Variants in ZNRF3 observed in about 807,000 individuals in gnomAD.
ZNRF3 encodes E3 ubiquitin-protein ligase ZNRF3.
In ZNRF3, 23 loss-of-function variants were observed where a neutral mutation model predicts 72.5. That is an observed-to-expected ratio of 0.32 (90% CI 0.23 to 0.45). The LOEUF is 0.45. Ranked by LOEUF, ZNRF3 falls within the 20% of genes least tolerant of loss-of-function variation. ZNRF3 has a pLI of 1.00. For missense variants in ZNRF3, 1,169 were observed against 1,272.1 expected (o/e 0.92, Z 1.23); for synonymous variants, 610 against 545.3 (o/e 1.12, Z -1.65).
rs755464306 is a variant in ZNRF3, at chr22:29,050,590, G to T, written c.2409G>T (p.Ser803=). Reference sequence around the variant, plus strand: ...GCGGCTGCTACACTGAGGACTACTCGGTGAGTGTGCAGTACACGCTCACCG... The same window carrying T: ...GCGGCTGCTACACTGAGGACTACTCTGTGAGTGTGCAGTACACGCTCACCG... ...GGSGCYTEDY[S]VSVQYTLTEE... The change falls in exon 8 of 9, where the codon TCG becomes TCT. Residue 803 remains serine (S), a synonymous_variant. Coordinates refer to ENST00000544604, the MANE Select transcript of ZNRF3 (RefSeq NM_001206998.2). 6.2e-7 allele frequency: 1 copy of T among 1,608,114 alleles called. No individual in the cohort carries two copies. The highest frequency in any genetic ancestry group is 2.2e-5 in the East Asian group (1 of 44,538).
chr22:29,043,773 C>T (rs888806881), intron 4 of ZNRF3, among the ~76,000 whole-genome samples: 9 of 152,178 alleles, frequency 5.9e-5, no homozygotes, highest in African/African-American at 2.2e-4. Flanking sequence ...GGGCATCCAG[C>T]ACCTGGCTTC....
chr22:29,040,399 T>C (rs1029348520), intron 2 of ZNRF3, among the ~76,000 whole-genome samples: 1 of 152,288 alleles, frequency 6.6e-6, no homozygotes, highest in African/African-American at 2.4e-5. Context: ...CAGACTGGTC[T>C]GGAACTCCTG....
intron 2 of ZNRF3, among the ~76,000 whole-genome samples, chr22:29,016,937 G>T (rs1156565353): frequency 2.0e-5 from 3 of 152,220 alleles, no homozygotes; most frequent in Admixed American, 6.5e-5. Flanking sequence ...AAGGAAAGTT[G>T]TCTGCTCCCT....
chr22:29,046,369 C>T (rs2123884307), intron 5 of ZNRF3, among the ~76,000 whole-genome samples: 1 of 152,284 alleles, frequency 6.6e-6, no homozygotes, highest in East Asian at 1.9e-4. Flanking sequence ...CCACCTCCTT[C>T]AACAGAAAGA....
rs375825222 is a variant in ZNRF3 at position 28,987,173 on chromosome 22, C to T, written c.398C>T (p.Pro133Leu). ...VVKLEQPELDPKPCLTVLGKA... is the reference protein window; with the variant it reads ...VVKLEQPELDLKPCLTVLGKA... Reference sequence around the variant, plus strand: ...AAGCTGGAACAGCCAGAATTGGACCCGAAACCATGCCTCACTGTCCTAGGC... The same window carrying T: ...AAGCTGGAACAGCCAGAATTGGACCTGAAACCATGCCTCACTGTCCTAGGC... The change falls in exon 2 of 9, where the codon CCG becomes CTG. Residue 133 changes from proline (P) to leucine (L), a missense_variant. Coordinates refer to ENST00000544604, the MANE Select transcript of ZNRF3 (RefSeq NM_001206998.2). 1.1e-5 allele frequency: 17 copies of T among 1,613,570 alleles called. No homozygotes were observed. The highest frequency in any genetic ancestry group is 1.3e-5 in the Non-Finnish European group (15 of 1,179,854).
chr22:29,048,425 A>C lies in ZNRF3; in HGVS notation c.949A>C (p.Arg317=), dbSNP rs2037114830. ...CATCCCCTGTACTCACCGGTTTCACAGGAAGTGCGTGGACCCCTGGCTGCT... is the reference window on the plus strand; with the variant it reads ...CATCCCCTGTACTCACCGGTTTCACCGGAAGTGCGTGGACCCCTGGCTGCT... ...RVIPCTHRFH[R]KCVDPWLLQH... The change falls in exon 7 of 9, where the codon AGG becomes CGG. Residue 317 remains arginine, a synonymous_variant. Coordinates refer to ENST00000544604, the MANE Select transcript of ZNRF3 (RefSeq NM_001206998.2). This position sits in a 1 kb window ranked among gnomAD's most constrained non-coding sequence, Gnocchi z 4.9. The C allele has an allele frequency of 6.2e-7, 1 of 1,614,140 alleles. No individual in the cohort carries two copies. Among genetic ancestry groups the C allele is most frequent in the Non-Finnish European group, 8.5e-7 (1 of 1,180,004 alleles).
chr22:28,901,708 T>C (rs1025140660), intron 1 of ZNRF3, among the ~76,000 whole-genome samples: 1 of 146,576 alleles, frequency 6.8e-6, no homozygotes, highest in African/African-American at 2.5e-5. Flanking sequence ...TGGCACGATC[T>C]CGGCTCACTG....
chr22:28,933,696 C>T lies in ZNRF3; in HGVS notation c.300+49630C>T, dbSNP rs574232374. Among the ~76,000 whole-genome samples, 3 of 146,250 alleles carry T rather than the reference C, an allele frequency of 2.1e-5. No homozygotes were observed. The South Asian group carries it at 6.9e-4, about 33-fold the overall frequency. ...GTTTGCCTCCTTAATATTTTGTAAA[C>T]TCCTATCACACCCCCACCCCCACCC... is the stretch of plus-strand genomic sequence containing the variant. On this transcript the variant is annotated intron_variant, in intron 1 of 8. Transcript: ENST00000544604.
intron 1 of ZNRF3, among the ~76,000 whole-genome samples, chr22:28,896,162 T>A (rs1305456032): frequency 6.6e-6 from 1 of 151,842 alleles, no homozygotes; most frequent in Admixed American, 6.6e-5. Flanking sequence ...TGAGACGGAG[T>A]CTCGCTCTGT....
chr22:29,020,141 A>G (rs1223312970), intron 2 of ZNRF3, among the ~76,000 whole-genome samples: 1 of 151,950 alleles, frequency 6.6e-6, no homozygotes, highest in African/African-American at 2.4e-5. Flanking sequence ...ACTTTATGAT[A>G]CCTAATACAA....
At chr22:28,978,584 AAG>A (rs2035713717) in intron 1 of ZNRF3, among the ~76,000 whole-genome samples, 1 of 152,184 alleles carries the variant, frequency 6.6e-6, no homozygotes, top group Non-Finnish European at 1.5e-5. Flanking sequence ...CACTTGGAGA[AAG>A]GGACTTATTT....
intron 1 of ZNRF3, among the ~76,000 whole-genome samples, chr22:28,887,828 G>A (rs1276002069): frequency 6.6e-6 from 1 of 152,156 alleles, no homozygotes; most frequent in Non-Finnish European, 1.5e-5. Flanking sequence ...GAAACTTTCA[G>A]ACTTGGCTGT....
chr22:29,005,872 C>T (rs183324642), intron 2 of ZNRF3, among the ~76,000 whole-genome samples: 87 of 152,174 alleles, frequency 5.7e-4, no homozygotes, highest in African/African-American at 2.1e-3. Flanking sequence ...CCCGTCTCTA[C>T]TAACAATACA....
In ZNRF3 at chr22:29,050,577, C is replaced by G; in HGVS notation, c.2396C>G (p.Thr799Ser). Reference sequence around the variant, plus strand: ...GGCGGAGGGGGCAGCGGCTGCTACACTGAGGACTACTCGGTGAGTGTGCAG... The same window carrying G: ...GGCGGAGGGGGCAGCGGCTGCTACAGTGAGGACTACTCGGTGAGTGTGCAG... ...RGGGGGSGCY[T>S]EDYSVSVQYT... Residue 799 changes from threonine (T) to serine (S), a missense_variant, in exon 8 of 9, where the codon ACT becomes AGT. This residue lies in a region of ZNRF3 where 783 missense variants were observed against 731.4 expected (regional missense o/e 1.07). Coordinates refer to ENST00000544604, the MANE Select transcript of ZNRF3 (RefSeq NM_001206998.2). 2 of 1,608,458 alleles carry G rather than the reference C, an allele frequency of 1.2e-6. No individual in the cohort carries two copies. Among genetic ancestry groups the G allele is most frequent in the Non-Finnish European group, 1.7e-6 (2 of 1,177,868 alleles).
In ZNRF3 at chr22:29,048,120, C is replaced by G. The variant is rs1389180060; in HGVS notation, c.913-269C>G. On this transcript the variant is annotated intron_variant, in intron 6 of 8. Coordinates refer to ENST00000544604, the MANE Select transcript of ZNRF3 (RefSeq NM_001206998.2). This position sits in a 1 kb window ranked among gnomAD's most constrained non-coding sequence, Gnocchi z 4.9. Reference sequence around the variant, plus strand: ...GAGGCATGAGTGTGTTTGCCCTCCTCCAGCTACGGGAAAGACGCCTGCCTC... The same window carrying G: ...GAGGCATGAGTGTGTTTGCCCTCCTGCAGCTACGGGAAAGACGCCTGCCTC... Among the ~76,000 whole-genome samples, 1 of 152,174 alleles carries G rather than the reference C, an allele frequency of 6.6e-6. No individual in the cohort carries two copies. The highest frequency in any genetic ancestry group is 1.5e-5 in the Non-Finnish European group (1 of 68,016).
At chr22:28,915,192 G>C (rs975853388) in intron 1 of ZNRF3, among the ~76,000 whole-genome samples, 2 of 152,192 alleles carry the variant, frequency 1.3e-5, no homozygotes, top group Non-Finnish European at 2.9e-5. Context: ...GATTCTGAAG[G>C]CTAGAAGTCC....
chr22:28,928,511 T>C (rs2034643755), intron 1 of ZNRF3, among the ~76,000 whole-genome samples: 1 of 149,216 alleles, frequency 6.7e-6, no homozygotes, highest in South Asian at 2.2e-4. Context: ...TTTTTTTTTT[T>C]TTGACGGAGT....
intron 1 of ZNRF3, among the ~76,000 whole-genome samples, chr22:28,956,254 A>T (rs1421021115): frequency 6.6e-6 from 1 of 150,858 alleles, no homozygotes; most frequent in African/African-American, 2.4e-5. Flanking sequence ...TGTAGTATGG[A>T]TAAGGTAGAG....
chr22:28,978,337 C>T (rs187011258), intron 1 of ZNRF3, among the ~76,000 whole-genome samples: 1 of 152,312 alleles, frequency 6.6e-6, no homozygotes, highest in Admixed American at 6.5e-5. Flanking sequence ...TCTGATGCCA[C>T]CTGGGAGCTA....
Sources: gnomAD v4.1 joint callset for allele counts (sites outside exome capture counted in the v4.1 genomes callset) on GRCh38, gnomAD v4.1.1 for gene constraint, gnomAD v4.1.1 regional missense constraint, Gnocchi (gnomAD v3.1) non-coding constraint, MANE v1.5 for transcripts, NCBI Gene and HGNC (gene_info 2026-07-23, HGNC 2026-07-21) for gene names.